Variants in PDCD2L observed in about 807,000 individuals in gnomAD.
PDCD2L encodes the protein uS5 assembly chaperone PDCD2L.
A neutral mutation model predicts 40.4 loss-of-function variants in PDCD2L; 44 were observed. That is an observed-to-expected ratio of 1.09 (90% CI 0.86 to 1.40). The LOEUF is 1.40. PDCD2L is among the 40% of genes most tolerant of loss of function. The probability of loss-of-function intolerance (pLI) is 0.00; values close to 1 mark genes in which losing one functional copy is unlikely to be tolerated. For synonymous variants in PDCD2L, 194 were observed against 174.6 expected (o/e 1.11, Z -0.88); for missense variants, 470 against 453.7 (o/e 1.04, Z -0.33).
Position 34,404,933 on chromosome 19 carries a change from G to C in PDCD2L, c.279G>C (p.Trp93Cys). ...GCCCTTTGTCTTCACCCCGAAGCTGGAAGGTGTTCCGCTCCCAGTGCCTGC... is the reference window on the plus strand; with the variant it reads ...GCCCTTTGTCTTCACCCCGAAGCTGCAAGGTGTTCCGCTCCCAGTGCCTGC... ...PGCSTGGARS[W>C]KVFRSQCLQV... is the part of the protein sequence containing the mutation. Residue 93 changes from tryptophan (W) to cysteine (C), a missense_variant, in exon 3 of 7, where the codon TGG becomes TGC. Coordinates refer to ENST00000246535, the MANE Select transcript of PDCD2L (RefSeq NM_032346.2). 6.2e-7 allele frequency: 1 copy of C among 1,614,160 alleles called. No individual in the cohort carries two copies. Among genetic ancestry groups the C allele is most frequent in the South Asian group, 1.1e-5 (1 of 91,090 alleles).
intron 6 of PDCD2L, among the ~76,000 whole-genome samples, chr19:34,425,298 C>A (rs906291634): frequency 6.8e-6 from 1 of 146,228 alleles, no homozygotes; most frequent in Non-Finnish European, 1.5e-5. Flanking sequence ...ATATTTCTCT[C>A]TTCTTTTTTT....
intron 4 of PDCD2L, among the ~76,000 whole-genome samples, chr19:34,411,072 C>T (rs975904696): frequency 8.6e-5 from 13 of 151,584 alleles, no homozygotes; most frequent in South Asian, 6.2e-4. Flanking sequence ...TGTGAGCCAC[C>T]GCGCCCGGCA....
intron 3 of PDCD2L, among the ~76,000 whole-genome samples, chr19:34,406,395 T>TG (rs2075075742): frequency 6.6e-6 from 1 of 151,914 alleles, no homozygotes; most frequent in Admixed American, 6.6e-5. Context: ...CTTATTTTTT[T>TG]TTTTTTTTGA....
intron 5 of PDCD2L, among the ~76,000 whole-genome samples, chr19:34,419,415 A>G (rs2075139140): frequency 6.6e-6 from 1 of 152,076 alleles, no homozygotes; most frequent in African/African-American, 2.4e-5. Flanking sequence ...TTGGCCTCCC[A>G]AAATGCTGGG....
intron 4 of PDCD2L, among the ~76,000 whole-genome samples, chr19:34,412,832 T>C (rs578145701): frequency 6.6e-6 from 1 of 151,436 alleles, no homozygotes; most frequent in South Asian, 2.1e-4. Context: ...AGTGCAATGG[T>C]GTGCTCACGG....
chr19:34,413,903 TTA>T, intron 5 of PDCD2L, 56 bp downstream of exon 5: 1 of 1,139,636 alleles, frequency 8.8e-7, no homozygotes, highest in Non-Finnish European at 1.3e-6. Context: ...GGAATACATA[TTA>T]GTTTGGAAAA....
chr19:34,424,335 C>A (rs2075166044), intron 6 of PDCD2L, among the ~76,000 whole-genome samples: 1 of 152,116 alleles, frequency 6.6e-6, no homozygotes, highest in African/African-American at 2.4e-5. Context: ...TCTGTAGCAA[C>A]CTCAGTTCTT....
chr19:34,422,055 C>T (rs2075154086), intron 6 of PDCD2L: 1 of 149,876 alleles, frequency 6.7e-6, no homozygotes, highest in African/African-American at 2.5e-5. Context: ...CCACTCTACT[C>T]CAGCCTGGCG....
At chr19:34,413,654 A>C in intron 4 of PDCD2L, 83 bp from the exon 5 acceptor site, 4 of 920,890 alleles carry the variant, frequency 4.3e-6, no homozygotes, top group Non-Finnish European at 6.7e-6. Flanking sequence ...ATTTTTTAAA[A>C]GAAAATTATC....
In PDCD2L at chr19:34,404,544, G is replaced by T. The variant is rs766412542; in HGVS notation, c.108+6G>T. The T allele has an allele frequency of 1.9e-6, 3 of 1,549,308 alleles. No individual in the cohort carries two copies. In the South Asian group the frequency reaches 3.5e-5, roughly 18 times the overall value. On this transcript the variant is annotated splice_donor_region_variant and intron_variant, in intron 1 of 6. Coordinates refer to ENST00000246535, the MANE Select transcript of PDCD2L (RefSeq NM_032346.2). ...GCAAGCTGGGCGGCATTCCGGTGAG[G>T]GCGGGTGCCGGAGCTGGGGTCGATG... is the stretch of plus-strand genomic sequence containing the variant.
chr19:34,410,318 C>G (rs2075096197), intron 4 of PDCD2L, among the ~76,000 whole-genome samples: 1 of 152,202 alleles, frequency 6.6e-6, no homozygotes, highest in Non-Finnish European at 1.5e-5. Context: ...ATGGCACGAT[C>G]TCGGCTCACT....
intron 5 of PDCD2L, among the ~76,000 whole-genome samples, chr19:34,420,425 T>C (rs1430498373): frequency 2.0e-5 from 3 of 152,092 alleles, no homozygotes; most frequent in Admixed American, 1.3e-4. Flanking sequence ...TGGGGTAAAT[T>C]TTCCTGCTTC....
At position 34,409,657 on chromosome 19, in the gene PDCD2L, A is replaced by G. The variant is rs2075093548; in HGVS notation, c.686+147A>G. ...TTTTGCTTCACTTCCTTATCAGCCA[A>G]CTTGAGTTAGCTTGAAAACCCTGCT... On this transcript the variant is annotated intron_variant, in intron 4 of 6. Coordinates refer to ENST00000246535, the MANE Select transcript of PDCD2L (RefSeq NM_032346.2). 6.2e-6 allele frequency: 4 copies of G among 646,816 alleles called. No homozygotes were observed. In the South Asian group the frequency reaches 8.0e-5, roughly 13 times the overall value. The allele number at this position is 646,816 out of a possible 1,614,324, so 40.1% of individuals were successfully genotyped here.
chr19:34,408,771 C>T (rs190417516), intron 3 of PDCD2L, among the ~76,000 whole-genome samples: 390 of 152,302 alleles, frequency 2.6e-3, no homozygotes, highest in African/African-American at 8.9e-3. Context: ...CACTCTGTCT[C>T]AAGTTCATGT....
At chr19:34,425,325 G>A (rs2075172170) in intron 6 of PDCD2L, among the ~76,000 whole-genome samples, 1 of 147,386 alleles carries the variant, frequency 6.8e-6, no homozygotes, top group Non-Finnish European at 1.5e-5. Flanking sequence ...TTTTAAGACA[G>A]GGTCTCGCTC....
chr19:34,412,911 G>A (rs1336155354), intron 4 of PDCD2L, among the ~76,000 whole-genome samples: 2 of 151,400 alleles, frequency 1.3e-5, no homozygotes, highest in African/African-American at 4.9e-5. Context: ...GCTAATTTTT[G>A]TATTTTTTTG....
chr19:34,423,531 G>A (rs1455080970), intron 6 of PDCD2L, among the ~76,000 whole-genome samples: 1 of 107,036 alleles, frequency 9.3e-6, no homozygotes, highest in Non-Finnish European at 1.8e-5. Flanking sequence ...GCCTCACTCT[G>A]TCGCCCAGCC....
Position 34,404,745 on chromosome 19 carries a change from T to A in PDCD2L, c.205T>A (p.Ser69Thr), listed in dbSNP as rs754903770. The change falls in exon 2 of 7, where the codon TCC becomes ACC. Residue 69 changes from serine (S) to threonine (T), a missense_variant. Coordinates refer to ENST00000246535, the MANE Select transcript of PDCD2L (RefSeq NM_032346.2). ...VVQVYCPLEG[S>T]PFHRLLHVFA... The stretch of plus-strand genomic sequence containing the variant: ...GCAGGTGTATTGCCCGCTGGAAGGC[T>A]CCCCGTTTCACCGTCTGCTGCACGT... 1.9e-6 allele frequency: 3 copies of A among 1,611,970 alleles called. No individual in the cohort carries two copies. The highest frequency in any genetic ancestry group is 1.1e-5 in the South Asian group (1 of 91,006).
intron 3 of PDCD2L, among the ~76,000 whole-genome samples, chr19:34,408,516 C>T (rs1159640549): frequency 6.6e-6 from 1 of 152,082 alleles, no homozygotes; most frequent in Non-Finnish European, 1.5e-5. Flanking sequence ...ACAGACTTAA[C>T]ACAGGAGTGA....
Sources: allele counts gnomAD v4.1 joint callset (sites outside exome capture counted in the v4.1 genomes callset), GRCh38; gene constraint gnomAD v4.1.1; transcripts MANE v1.5; gene names NCBI Gene and HGNC (gene_info 2026-07-23, HGNC 2026-07-21).